The following CSMD1 variants were observed in gnomAD, a reference collection of about 807,000 sequenced individuals.
CSMD1 encodes the protein CUB and Sushi multiple domains 1.
Under a neutral mutation model 417.5 loss-of-function variants are expected in CSMD1, and 213 were observed. That is an observed-to-expected ratio of 0.51 (90% CI 0.46 to 0.57). The LOEUF (loss-of-function observed/expected upper bound fraction) is 0.57, where lower values mean the gene tolerates loss of function less well. Ranked by LOEUF, CSMD1 falls within the 20% of genes least tolerant of loss-of-function variation. The pLI, the probability that CSMD1 is intolerant of heterozygous loss-of-function variation, is 0.00. For missense variants in CSMD1, 6,923 were observed against 4,529.7 expected (o/e 1.53, Z -15.17); for synonymous variants, 2,862 against 1,736.8 (o/e 1.65, Z -16.11).
intron 3 of CSMD1, among the ~76,000 whole-genome samples, chr8:4,239,979 A>G (rs1419712013): frequency 2.6e-5 from 4 of 152,204 alleles, no homozygotes; most frequent in African/African-American, 7.2e-5. Flanking sequence ...TTTACCAGTG[A>G]TTTCTTAAAA....
chr8:3,291,478 C>G (rs1404127457), intron 25 of CSMD1, among the ~76,000 whole-genome samples: 1 of 152,126 alleles, frequency 6.6e-6, no homozygotes, highest in Admixed American at 6.6e-5. Flanking sequence ...GGTTGGTAAG[C>G]TATTGATTAT....
chr8:4,152,062 C>G (rs1796597724), intron 3 of CSMD1, among the ~76,000 whole-genome samples: 1 of 152,090 alleles, frequency 6.6e-6, no homozygotes, highest in Middle Eastern at 3.4e-3. Flanking sequence ...TAATTTTTTT[C>G]CCTTTATTAA....
chr8:4,600,158 A>G lies in CSMD1; in HGVS notation c.302+37184T>C, dbSNP rs1000932791. On this transcript the variant is annotated intron_variant, in intron 2 of 69. Coordinates refer to ENST00000635120, the MANE Select transcript of CSMD1 (RefSeq NM_033225.6). Reference sequence around the variant, plus strand: ...TTGCCTAGCTGGGGCCATGTAGCTGAGCTGTGGTCGCAGAACAGGAGTGCA... The same window carrying G: ...TTGCCTAGCTGGGGCCATGTAGCTGGGCTGTGGTCGCAGAACAGGAGTGCA... Among the ~76,000 whole-genome samples, 6 of 152,208 alleles carry G rather than the reference A, an allele frequency of 3.9e-5. No individual in the cohort carries two copies. The South Asian group carries it at 1.2e-3, about 32-fold the overall frequency.
At chr8:3,706,274 A>G (rs1022580491) in intron 7 of CSMD1, among the ~76,000 whole-genome samples, 6 of 152,236 alleles carry the variant, frequency 3.9e-5, no homozygotes, top group African/African-American at 1.4e-4. Flanking sequence ...TAATTGTGTA[A>G]GCGATGACAT....
intron 42 of CSMD1, among the ~76,000 whole-genome samples, chr8:3,115,219 G>C (rs1286853254): frequency 1.6e-3 from 93 of 57,664 alleles, no homozygotes; most frequent in African/African-American, 4.3e-3. Flanking sequence ...TTTTTTTTTT[G>C]AGATGGAGTT....
intron 41 of CSMD1, among the ~76,000 whole-genome samples, chr8:3,140,102 C>T (rs1818344810): frequency 6.6e-6 from 1 of 152,062 alleles, no homozygotes; most frequent in Non-Finnish European, 1.5e-5. Context: ...TGTGGTTTCA[C>T]CATATCGGCC....
intron 3 of CSMD1, among the ~76,000 whole-genome samples, chr8:4,318,562 C>A (rs183768585): frequency 6.6e-6 from 1 of 152,034 alleles, no homozygotes; most frequent in African/African-American, 2.4e-5. Context: ...AGAGCTTTTA[C>A]ACTAAAAAGA....
intron 3 of CSMD1, among the ~76,000 whole-genome samples, chr8:4,182,187 T>C (rs1798418378): frequency 6.6e-6 from 1 of 152,122 alleles, no homozygotes; most frequent in Non-Finnish European, 1.5e-5. Context: ...AGTTTTCTGA[T>C]TAGGTTCTGT....
rs1238090796 is a variant in CSMD1 at position 4,994,462 on chromosome 8, G to T, written c.-46C>A. ...CACGCGACACCGATGGCTCCTCCGA[G>T]GAAGGCAGGGCTATGAGCGGAGCCA... is the stretch of plus-strand genomic sequence containing the variant. On this transcript the variant is annotated 5_prime_UTR_variant, in exon 1 of 70. Transcript: ENST00000635120. The T allele has an allele frequency of 6.5e-7, 1 of 1,543,276 alleles. No individual in the cohort carries two copies. The highest frequency in any genetic ancestry group is 1.7e-5 in the Admixed American group (1 of 59,396).
At chr8:4,078,777 T>C (rs1799963628) in intron 3 of CSMD1, among the ~76,000 whole-genome samples, 1 of 150,502 alleles carries the variant, frequency 6.6e-6, no homozygotes, top group South Asian at 2.1e-4. Context: ...GGCTTACACC[T>C]GTAATCCTAG....
At position 3,812,484 on chromosome 8, in the gene CSMD1, C is replaced by T. The variant is rs182868401; in HGVS notation, c.819-58442G>A. The stretch of plus-strand genomic sequence containing the variant: ...TAAGACACGATCCCCTTGAAATGGT[C>T]CATGTTCTTTTCACAACACTGAAAA... On this transcript the variant is annotated intron_variant, in intron 5 of 69. Transcript: ENST00000635120. Among the ~76,000 whole-genome samples, 681 of 152,260 alleles carry T rather than the reference C, an allele frequency of 4.5e-3. 6 individuals carry two copies. Among genetic ancestry groups the T allele is most frequent in the Non-Finnish European group, 6.5e-3 (444 of 68,008 alleles).
intron 16 of CSMD1, among the ~76,000 whole-genome samples, chr8:3,397,351 G>A (rs1381197536): frequency 6.6e-6 from 1 of 152,148 alleles, no homozygotes; most frequent in East Asian, 1.9e-4. Flanking sequence ...TTAGCCTCAT[G>A]GCGTGTAGCA....
chr8:4,341,875 C>A (rs762293816), intron 3 of CSMD1, among the ~76,000 whole-genome samples: 1 of 152,074 alleles, frequency 6.6e-6, no homozygotes, highest in Non-Finnish European at 1.5e-5. Flanking sequence ...CTGATGTTAA[C>A]CTTCCACACC....
In CSMD1 at chr8:3,029,461, C is replaced by A. The variant is rs1810188409; in HGVS notation, c.7713G>T (p.Arg2571Ser). 4 of 1,607,742 alleles carry A rather than the reference C, an allele frequency of 2.5e-6. No homozygotes were observed. The highest frequency in any genetic ancestry group is 3.4e-6 in the Non-Finnish European group (4 of 1,177,232). ...EAQLSEHVIW[R>S]LVSGSLNEYG... ...ACTCATTCAAGGATCCTGAAACCAG[C>A]CTCCAGATGACATGTTCTGAGAGCT... is the stretch of plus-strand genomic sequence containing the variant. The change falls in exon 51 of 70, where the codon AGG becomes AGT. Residue 2571 changes from arginine to serine, a missense_variant. Transcript: ENST00000635120.
At chr8:3,406,005 CG>C (rs942859775) in intron 15 of CSMD1, 21 bp downstream of exon 15, 2 of 1,606,314 alleles carry the variant, frequency 1.2e-6, no homozygotes, top group Non-Finnish European at 1.7e-6. Context: ...AGGAGAAGAG[CG>C]GGGGGTGGCA....
intron 3 of CSMD1, among the ~76,000 whole-genome samples, chr8:4,329,351 C>T (rs1282049224): frequency 6.6e-6 from 1 of 152,082 alleles, no homozygotes. Flanking sequence ...TGCAGTGATG[C>T]ATTCTCAGCT....
chr8:3,378,286 C>A (rs1271991738), intron 18 of CSMD1, among the ~76,000 whole-genome samples: 1 of 152,124 alleles, frequency 6.6e-6, no homozygotes, highest in African/African-American at 2.4e-5. Context: ...AAGCCCAGGA[C>A]CAGGTGGATT....
chr8:3,032,387 T>C (rs1307257654), intron 50 of CSMD1, among the ~76,000 whole-genome samples: 1 of 152,002 alleles, frequency 6.6e-6, no homozygotes, highest in African/African-American at 2.4e-5. Context: ...TTGTCAGTTG[T>C]GTCTCCATGC....
At chr8:4,462,038 C>T (rs186332333) in intron 2 of CSMD1, among the ~76,000 whole-genome samples, 85 of 152,082 alleles carry the variant, frequency 5.6e-4, no homozygotes, top group Middle Eastern at 3.4e-3. Context: ...CCACGTCTGG[C>T]TGCTAATCTT....
Sources: gnomAD v4.1 joint callset for allele counts (sites outside exome capture counted in the v4.1 genomes callset) on GRCh38, gnomAD v4.1.1 for gene constraint, MANE v1.5 for transcripts, NCBI Gene and HGNC (gene_info 2026-07-23, HGNC 2026-07-21) for gene names.